The following OSMR variants were observed in gnomAD, a reference collection of about 807,000 sequenced individuals.
OSMR encodes the protein oncostatin M receptor, also known as oncostatin-M-specific receptor subunit beta.
A neutral mutation model predicts 99.9 loss-of-function variants in OSMR; 81 were observed. The observed-to-expected ratio is 0.81, with a 90% CI of 0.68 to 0.97. OSMR has a LOEUF of 0.97. Ranked by LOEUF, OSMR falls within the 50% of genes least tolerant of loss-of-function variation. The pLI is 0.00. For missense variants in OSMR, 1,099 were observed against 1,153.4 expected (o/e 0.95, Z 0.68); for synonymous variants, 406 against 410.4 (o/e 0.99, Z 0.13).
chr5:38,882,165 TAA>T (rs911444117), intron 4 of OSMR, among the ~76,000 whole-genome samples: 4 of 152,244 alleles, frequency 2.6e-5, no homozygotes, highest in African/African-American at 9.6e-5. Context: ...AGAGATAGTA[TAA>T]GCTTTTCAGA....
At chr5:38,942,160 T>C (rs1437725093) in intron 1 of OSMR, 2 of 451,752 alleles carry the variant, frequency 4.4e-6, no homozygotes, top group Non-Finnish European at 8.1e-6. Flanking sequence ...CAGTTCCAAC[T>C]GTTCATGTAC....
At chr5:38,907,869 A>T (rs1186011961) in intron 9 of OSMR, among the ~76,000 whole-genome samples, 1 of 152,120 alleles carries the variant, frequency 6.6e-6, no homozygotes. Context: ...CTTCTCCTCC[A>T]ATGGCTTATG....
intron 15 of OSMR, among the ~76,000 whole-genome samples, chr5:38,928,891 C>G (rs1473308152): frequency 6.6e-6 from 1 of 152,058 alleles, no homozygotes; most frequent in East Asian, 1.9e-4. Context: ...TTGGAATTTA[C>G]TTGGTATACA....
intron 2 of OSMR, among the ~76,000 whole-genome samples, chr5:38,871,793 C>T (rs1425439563): frequency 1.3e-5 from 2 of 152,098 alleles, no homozygotes; most frequent in Non-Finnish European, 2.9e-5. Flanking sequence ...ATTACTACAA[C>T]ATATGATGAG....
At chr5:38,847,276 T>C (rs1049055929) in intron 1 of OSMR, among the ~76,000 whole-genome samples, 2 of 152,240 alleles carry the variant, frequency 1.3e-5, no homozygotes, top group East Asian at 1.9e-4. Context: ...TAATGGTTCA[T>C]ACTTACTGTG....
chr5:38,847,892 G>C (rs1418616362), intron 1 of OSMR, among the ~76,000 whole-genome samples: 1 of 152,106 alleles, frequency 6.6e-6, no homozygotes, highest in Non-Finnish European at 1.5e-5. Flanking sequence ...TCTTCCGCAG[G>C]GACCCGAGCC....
chr5:38,937,057 C>T (rs1195358971), downstream of OSMR, among the ~76,000 whole-genome samples: 4 of 152,110 alleles, frequency 2.6e-5, no homozygotes, highest in African/African-American at 9.7e-5. This position sits in a 1 kb window ranked among gnomAD's most constrained non-coding sequence, Gnocchi z 4.0. Context: ...TTTTTTGAGA[C>T]GGACTCTTGC....
intron 1 of OSMR, among the ~76,000 whole-genome samples, chr5:38,868,064 G>A (rs1464231568): frequency 2.0e-5 from 3 of 152,192 alleles, no homozygotes; most frequent in Admixed American, 2.0e-4. Context: ...GCTCTCTTGA[G>A]ACTATTGTAT....
intron 7 of OSMR, among the ~76,000 whole-genome samples, chr5:38,890,934 T>A (rs1032203462): frequency 5.3e-5 from 8 of 152,180 alleles, no homozygotes; most frequent in African/African-American, 1.9e-4. Flanking sequence ...CATGCCCGAA[T>A]ACTGGGGGAA....
chr5:38,913,471 AC>A (rs1745716914), intron 9 of OSMR, among the ~76,000 whole-genome samples: 1 of 151,574 alleles, frequency 6.6e-6, no homozygotes, highest in African/African-American at 2.4e-5. Flanking sequence ...AAAGGCATGA[AC>A]CCAGGAGGCG....
At chr5:38,877,143 C>T (rs1199695629) in intron 3 of OSMR, among the ~76,000 whole-genome samples, 1 of 152,094 alleles carries the variant, frequency 6.6e-6, no homozygotes, top group Non-Finnish European at 1.5e-5. Context: ...TATTTAAGGA[C>T]AGTGGAATGT....
At chr5:38,926,633 G>A (rs779235682) in intron 15 of OSMR, among the ~76,000 whole-genome samples, 4 of 152,104 alleles carry the variant, frequency 2.6e-5, no homozygotes, top group Non-Finnish European at 4.4e-5. Context: ...TACATCCCAC[G>A]GGGTCCCTCC....
chr5:38,925,118 G>T, intron 14 of OSMR, 86 bp from the exon 15 acceptor site: 1 of 1,577,912 alleles, frequency 6.3e-7, no homozygotes, highest in Non-Finnish European at 8.6e-7. Context: ...AAGAGCATTA[G>T]TGTCCAGCTC....
chr5:38,884,181 G>A, intron 5 of OSMR, 70 bp downstream of exon 5: 2 of 1,185,606 alleles, frequency 1.7e-6, no homozygotes, highest in South Asian at 2.4e-5. Flanking sequence ...TCCTTTACTA[G>A]AAGACAAATA....
intron 1 of OSMR, among the ~76,000 whole-genome samples, chr5:38,852,317 A>G (rs1740437837): frequency 6.6e-6 from 1 of 152,226 alleles, no homozygotes; most frequent in East Asian, 1.9e-4. Flanking sequence ...AATTTCAGCA[A>G]TAGAATTACA....
intron 3 of OSMR, among the ~76,000 whole-genome samples, chr5:38,881,003 G>A (rs1317759494): frequency 6.6e-6 from 1 of 152,158 alleles, no homozygotes; most frequent in Non-Finnish European, 1.5e-5. Flanking sequence ...AAGAGATGGA[G>A]TGTGGCCATG....
intron 7 of OSMR, among the ~76,000 whole-genome samples, chr5:38,887,811 C>T (rs138703052): frequency 1.5e-3 from 226 of 152,144 alleles, no homozygotes; most frequent in Middle Eastern, 0.01. Flanking sequence ...TCTTCCTGTG[C>T]GTGGACATAG....
Position 38,933,666 on chromosome 5 carries a change from T to G in OSMR, c.*222T>G. 5.2e-6 allele frequency: 3 copies of G among 573,686 alleles called. No homozygotes were observed. Among genetic ancestry groups the G allele is most frequent in the Non-Finnish European group, 3.1e-6 (1 of 321,016 alleles). 35.5% of individuals were successfully genotyped at this position (573,686 alleles called of 1,614,324 possible). A position where few individuals can be genotyped will look rare whatever the true frequency, so the allele number is the denominator to read the frequency against. Reference sequence around the variant, plus strand: ...TAGAGACGGCAGGATCATGGGAGCATGCTTACCTTCTGCTGTTTGTTCCAG... The same window carrying G: ...TAGAGACGGCAGGATCATGGGAGCAGGCTTACCTTCTGCTGTTTGTTCCAG... On this transcript the variant is annotated 3_prime_UTR_variant, in exon 18 of 18. Coordinates refer to ENST00000274276, the MANE Select transcript of OSMR (RefSeq NM_003999.3).
At chr5:38,851,091 A>G (rs1308785033) in intron 1 of OSMR, among the ~76,000 whole-genome samples, 1 of 152,170 alleles carries the variant, frequency 6.6e-6, no homozygotes, top group African/African-American at 2.4e-5. Context: ...TTGGACTGGA[A>G]ACACAAACAC....
Sources: allele counts gnomAD v4.1 joint callset (sites outside exome capture counted in the v4.1 genomes callset), GRCh38; gene constraint gnomAD v4.1.1; non-coding constraint Gnocchi (gnomAD v3.1); transcripts MANE v1.5; gene names NCBI Gene and HGNC (gene_info 2026-07-23, HGNC 2026-07-21).